HTR6: variants seen among roughly 807,000 people sequenced by gnomAD.
HTR6 encodes 5-hydroxytryptamine (serotonin) receptor 6, G protein-coupled.
Under a neutral mutation model 17.4 loss-of-function variants are expected in HTR6, and 15 were observed. That is an observed-to-expected ratio of 0.86 (90% confidence interval 0.58 to 1.33). The LOEUF (loss-of-function observed/expected upper bound fraction) is 1.33. Ranked by LOEUF, HTR6 falls within the 40% of genes most tolerant of loss-of-function variation. The pLI is 0.00. For missense variants in HTR6, 578 were observed against 616.0 expected, an observed-to-expected ratio of 0.94 and a Z score of 0.65; for synonymous variants, 326 against 295.5, an observed-to-expected ratio of 1.10 and a Z score of -1.06.
Position 19,679,120 on chromosome 1 carries a change from G to C in HTR6, c.1075G>C (p.Gly359Arg). 6.2e-7 allele frequency: 1 copy of C among 1,611,854 alleles called. No individual in the cohort carries two copies. Among genetic ancestry groups the C allele is most frequent in the Non-Finnish European group, 8.5e-7 (1 of 1,179,278 alleles). Residue 359 changes from glycine to arginine, a missense_variant, in exon 3 of 3, where the codon GGC (glycine) becomes CGC (arginine). Transcript: ENST00000289753. This position sits in a 1 kb window ranked among gnomAD's most constrained non-coding sequence, Gnocchi z 4.9. ...GCCATCACTGCGCACCTCTCACAGC[G>C]GCCCCCGGCCCGGCCTTAGCCTACA... ...ASPSLRTSHS[G>R]PRPGLSLQQV...
chr1:19,665,849 G>T lies in HTR6; in HGVS notation c.96G>T (p.Ala32=), dbSNP rs1557427081. The part of the protein sequence containing the change: ...APGGSGWVAA[A]LCVVIALTAA... ...GGGGCAGCGGCTGGGTGGCGGCCGC[G>T]CTGTGCGTGGTCATCGCGCTGACGG... Residue 32 remains alanine (A), a synonymous_variant, in exon 1 of 3, where the codon GCG becomes GCT. Coordinates refer to ENST00000289753, the MANE Select transcript of HTR6 (RefSeq NM_000871.3). The surrounding 1 kb of genome is among the most constrained non-coding windows in gnomAD (Gnocchi z 4.2). 2 of 1,582,442 alleles carry T rather than the reference G, an allele frequency of 1.3e-6. No homozygotes were observed. The highest frequency in any genetic ancestry group is 1.8e-5 in the Admixed American group (1 of 55,626).
Sources: gnomAD v4.1 joint callset for allele counts on GRCh38, gnomAD v4.1.1 for gene constraint, Gnocchi (gnomAD v3.1) non-coding constraint, MANE v1.5 for transcripts, NCBI Gene and HGNC (gene_info 2026-07-23, HGNC 2026-07-21) for gene names.